CRHR2: variants seen among roughly 807,000 people sequenced by gnomAD.
CRHR2 encodes the protein corticotropin-releasing hormone receptor 2.
CRHR2 carries 53 observed loss-of-function variants against 57.9 expected under a neutral mutation model. The observed-to-expected ratio is 0.92, with a 90% CI of 0.73 to 1.15. The LOEUF (loss-of-function observed/expected upper bound fraction) is 1.15. Ranked by LOEUF, CRHR2 falls within the 50% of genes most tolerant of loss-of-function variation. The probability of loss-of-function intolerance (pLI) is 0.00; values close to 1 mark genes in which losing one functional copy is unlikely to be tolerated. For missense variants in CRHR2, 532 were observed against 542.6 expected (o/e 0.98, Z 0.19); for synonymous variants, 213 against 220.9 (o/e 0.96, Z 0.32).
In CRHR2 at chr7:30,655,023, G is replaced by A; in HGVS notation, c.1095+16C>T. The A allele has an allele frequency of 1.9e-6, 3 of 1,612,324 alleles. No individual in the cohort carries two copies. The highest frequency in any genetic ancestry group is 2.5e-6 in the Non-Finnish European group (3 of 1,179,070). On this transcript the variant is annotated intron_variant, in intron 11 of 11. Coordinates refer to ENST00000471646, the MANE Select transcript of CRHR2 (RefSeq NM_001883.5). ...ACCTGGATATCCCAGGCCACCCCGA[G>A]GGCCCAGCTTCATACCTCTCCATTG...
intron 2 of CRHR2, among the ~76,000 whole-genome samples, chr7:30,670,909 C>CT (rs1032103326): frequency 6.6e-6 from 1 of 152,170 alleles, no homozygotes; most frequent in Non-Finnish European, 1.5e-5. Context: ...TCTTGCAGGA[C>CT]TCTGTAGTCT....
chr7:30,692,926 T>C (rs1043915383), intron 1 of CRHR2, among the ~76,000 whole-genome samples: 7 of 152,212 alleles, frequency 4.6e-5, no homozygotes, highest in African/African-American at 1.7e-4. Context: ...CAGGTTCCCA[T>C]GGGAAGAGCT....
At chr7:30,679,701 T>C (rs935342127) in intron 2 of CRHR2, among the ~76,000 whole-genome samples, 1 of 152,114 alleles carries the variant, frequency 6.6e-6, no homozygotes, top group African/African-American at 2.4e-5. Flanking sequence ...GCCTGAACGC[T>C]CCTGTTCTTC....
At position 30,665,589 on chromosome 7, in the gene CRHR2, C is replaced by T. The variant is rs1171921180; in HGVS notation, c.366G>A (p.Leu122=). The change falls in exon 4 of 12, where the codon CTG becomes CTA. Residue 122 remains leucine (L), a synonymous_variant. Coordinates refer to ENST00000471646, the MANE Select transcript of CRHR2 (RefSeq NM_001883.5). This position sits in a 1 kb window ranked among gnomAD's most constrained non-coding sequence, Gnocchi z 4.5. ...GGGCTGCCACAGATACGCAGTGGCC[C>T]AGGTAGTTGACGACAAGGGCGATGC... ...HYRIALVVNY[L]GHCVSVAALV... 1 of 1,564,202 alleles carries T rather than the reference C, an allele frequency of 6.4e-7. No homozygotes were observed. The highest frequency in any genetic ancestry group is 8.7e-7 in the Non-Finnish European group (1 of 1,153,384).
intron 2 of CRHR2, among the ~76,000 whole-genome samples, chr7:30,677,477 G>A (rs1784553697): frequency 1.3e-5 from 2 of 152,168 alleles, no homozygotes; most frequent in Admixed American, 1.3e-4. Flanking sequence ...CCCACAAAAG[G>A]GATGAGACTT....
rs1202622005 is a variant in CRHR2 at position 30,662,761 on chromosome 7, G to C, written c.630C>G (p.His210Gln). The change falls in exon 6 of 12, where the codon CAC becomes CAG. Residue 210 changes from histidine to glutamine, a missense_variant. By Grantham distance (24) the His-to-Gln change is conservative (BLOSUM62 0). Coordinates refer to ENST00000471646, the MANE Select transcript of CRHR2 (RefSeq NM_001883.5). ...FWMFVEGCYL[H>Q]TAIVMTYSTE... is the part of the protein sequence containing the mutation. ...TGGAGTAGGTCATGACAATGGCCGT[G>C]TGCAGGTAGCAGCCTTCCACAAACA... The C allele has an allele frequency of 5.6e-6, 9 of 1,614,128 alleles. No individual in the cohort carries two copies. Among genetic ancestry groups the C allele is most frequent in the African/African-American group, 1.3e-5 (1 of 74,952 alleles).
chr7:30,654,819 A>G (rs1164128805), intron 11 of CRHR2: 2 of 1,540,034 alleles, frequency 1.3e-6, no homozygotes, highest in Admixed American at 3.9e-5. Flanking sequence ...CTGAGTGCAC[A>G]TGTGGGGTGC....
Position 30,682,332 on chromosome 7 carries a change from ACT to A in CRHR2, c.-54_-53del. The A allele has an allele frequency of 6.7e-7, 1 of 1,486,006 alleles. No individual in the cohort carries two copies. The highest frequency in any genetic ancestry group is 8.9e-7 in the Non-Finnish European group (1 of 1,121,354). The allele number at this position is 1,486,006 out of a possible 1,614,324, so 92.1% of individuals were successfully genotyped here. A position where few individuals can be genotyped will look rare whatever the true frequency, so the allele number is the denominator to read the frequency against. Reference sequence around the variant, plus strand: ...GGAGTGGGAGTGCGCGCCCGGCGTGACTGCGAGGGAGTGGACGCGAGAGTGAG... The same window carrying A: ...GGAGTGGGAGTGCGCGCCCGGCGTGAGCGAGGGAGTGGACGCGAGAGTGAG... On this transcript the variant is annotated 5_prime_UTR_variant, in exon 1 of 12. Transcript: ENST00000471646.
At chr7:30,659,899 A>G (rs1783929964) in intron 8 of CRHR2, among the ~76,000 whole-genome samples, 1 of 152,158 alleles carries the variant, frequency 6.6e-6, no homozygotes, top group Non-Finnish European at 1.5e-5. Context: ...CGTAAATGCC[A>G]ATTTCTTACG....
intron 2 of CRHR2, among the ~76,000 whole-genome samples, chr7:30,676,213 TG>T (rs1379256663): frequency 6.6e-6 from 1 of 152,212 alleles, no homozygotes; most frequent in African/African-American, 2.4e-5. Flanking sequence ...GGTGTCTGGA[TG>T]GCCACAAGGG....
In CRHR2 at chr7:30,691,890, G is replaced by A. The variant is rs1377464841; in HGVS notation, c.-260-2606C>T. Among the ~76,000 whole-genome samples, 5 of 152,290 alleles carry A rather than the reference G, an allele frequency of 3.3e-5. No homozygotes were observed. The South Asian group carries it at 1.0e-3, about 32-fold the overall frequency. On this transcript the variant is annotated intron_variant, in intron 1 of 13. Transcript: ENST00000341843. ...CAGGGAGGAGGAGGAAAGAGAGGCT[G>A]CTGTCCTCAGAAAACACATGGTCCA... is the stretch of plus-strand genomic sequence containing the variant.
At chr7:30,680,230 TGTGA>T (rs1784657654) in intron 2 of CRHR2, among the ~76,000 whole-genome samples, 4 of 152,116 alleles carry the variant, frequency 2.6e-5, no homozygotes, top group African/African-American at 9.7e-5. Context: ...CTGTTGCAAT[TGTGA>T]GTGAGAGCCT....
chr7:30,682,238 T>C lies in CRHR2; in HGVS notation c.43A>G (p.Ser15Gly), dbSNP rs772464332. 6 of 1,589,884 alleles carry C rather than the reference T, an allele frequency of 3.8e-6. No homozygotes were observed. Among genetic ancestry groups the C allele is most frequent in the Non-Finnish European group, 5.1e-6 (6 of 1,175,438 alleles). Residue 15 changes from serine to glycine, a missense_variant, in exon 1 of 12, where the codon AGC (serine) becomes GGC (glycine). Coordinates refer to ENST00000471646, the MANE Select transcript of CRHR2 (RefSeq NM_001883.5). ...LLHSLLEANC[S>G]LALAEELLLD... Reference sequence around the variant, plus strand: ...AGCAGCTCTTCAGCCAGCGCCAGGCTGCAGTTGGCCTCCAGCAGGCTGTGG... The same window carrying C: ...AGCAGCTCTTCAGCCAGCGCCAGGCCGCAGTTGGCCTCCAGCAGGCTGTGG...
At chr7:30,693,443 C>T (rs938237950) in intron 1 of CRHR2, among the ~76,000 whole-genome samples, 3 of 152,112 alleles carry the variant, frequency 2.0e-5, no homozygotes, top group African/African-American at 4.8e-5. Flanking sequence ...CCTGGTGGTG[C>T]GGGGAGGGTG....
chr7:30,668,142 A>G (rs1308413733), intron 2 of CRHR2, among the ~76,000 whole-genome samples: 1 of 152,226 alleles, frequency 6.6e-6, no homozygotes, highest in African/African-American at 2.4e-5. Flanking sequence ...TCAAGCAGCA[A>G]TGTCCTGTGC....
At chr7:30,662,038 A>C in intron 7 of CRHR2, 118 bp downstream of exon 7, 1 of 1,016,620 alleles carries the variant, frequency 9.8e-7, no homozygotes. Flanking sequence ...AGGAACGTGG[A>C]TCTGTCTAGG....
intron 2 of CRHR2, among the ~76,000 whole-genome samples, chr7:30,678,244 G>C (rs1784583002): frequency 6.6e-6 from 1 of 152,178 alleles, no homozygotes; most frequent in Non-Finnish European, 1.5e-5. Context: ...GCAGAACCTG[G>C]GTTTGAATCC....
At chr7:30,682,081 G>T in intron 1 of CRHR2, 41 bp from the exon 2 acceptor site, 15 of 1,549,564 alleles carry the variant, frequency 9.7e-6, no homozygotes, top group Non-Finnish European at 1.3e-5. Context: ...AGAGGGGCCC[G>T]CAGGGACGCG....
chr7:30,665,533 A>G lies in CRHR2; in HGVS notation c.422T>C (p.Leu141Pro), dbSNP rs989465793. 6.4e-6 allele frequency: 10 copies of G among 1,557,176 alleles called. No individual in the cohort carries two copies. Among genetic ancestry groups the G allele is most frequent in the African/African-American group, 2.7e-5 (2 of 73,280 alleles). Residue 141 changes from leucine to proline, a missense_variant, in exon 4 of 12, where the codon CTG becomes CCG. Transcript: ENST00000471646. The surrounding 1 kb of genome is among the most constrained non-coding windows in gnomAD (Gnocchi z 4.5). ...CAAGGCGGAAGGGCAGACTCACCGC[A>G]GGGCCAGGAAAAGCAGGAAGGCGGC... Reference protein sequence around the residue: ...LVAAFLLFLALRSIRCLRNVI... With the variant: ...LVAAFLLFLAPRSIRCLRNVI...
Sources: gnomAD v4.1 joint callset for allele counts (sites outside exome capture counted in the v4.1 genomes callset) on GRCh38, gnomAD v4.1.1 for gene constraint, Gnocchi (gnomAD v3.1) non-coding constraint, MANE v1.5 for transcripts, NCBI Gene and HGNC (gene_info 2026-07-23, HGNC 2026-07-21) for gene names.